Variants in HIGD1C observed in about 807,000 individuals in gnomAD.
The protein encoded by HIGD1C is HIG1 domain family member 1C.
A neutral mutation model predicts 13.1 loss-of-function variants in HIGD1C; 11 were observed. The ratio of observed to expected loss-of-function variants is 0.84; its 90% CI spans 0.53 to 1.39. HIGD1C has a LOEUF of 1.39. Among genes scored for constraint, HIGD1C ranks in the 40% most tolerant of loss-of-function variants. HIGD1C has a pLI of 0.00. For missense variants in HIGD1C, 110 were observed against 112.0 expected (o/e 0.98, Z 0.08); for synonymous variants, 36 against 37.7 (o/e 0.95, Z 0.17).
chr12:50,936,928 C>T, the HIGD1C span, among the ~76,000 whole-genome samples: 1 of 152,328 alleles, frequency 6.6e-6, no homozygotes, highest in Non-Finnish European at 1.5e-5. Context: ...TAAAGTGATG[C>T]CCCTTCTACA....
At chr12:50,947,849 C>T in the HIGD1C span, among the ~76,000 whole-genome samples, 83,694 of 151,908 alleles carry the variant, frequency 0.55, 24,381 homozygotes, top group East Asian at 0.91. Flanking sequence ...CTTGGGAGGC[C>T]GAGGCAAGAG....
upstream of HIGD1C, among the ~76,000 whole-genome samples, chr12:50,952,846 C>T (rs907124934): frequency 1.3e-5 from 2 of 152,198 alleles, no homozygotes; most frequent in Non-Finnish European, 2.9e-5. Context: ...TCCCCTTCCC[C>T]TCCAAGCCCA....
chr12:50,944,613 G>A, the HIGD1C span, among the ~76,000 whole-genome samples: 1 of 152,164 alleles, frequency 6.6e-6, no homozygotes, highest in Admixed American at 6.5e-5. Context: ...CTGGCCAGGT[G>A]CAGTGGCTCA....
chr12:50,950,667 C>T (rs1183981966), upstream of HIGD1C, among the ~76,000 whole-genome samples: 2 of 130,130 alleles, frequency 1.5e-5, no homozygotes, highest in East Asian at 2.2e-4. Context: ...TCATGCCCAG[C>T]TAATTTTTTT....
intron 1 of HIGD1C, among the ~76,000 whole-genome samples, chr12:50,960,228 T>C (rs1461755069): frequency 6.6e-6 from 1 of 152,226 alleles, no homozygotes; most frequent in Non-Finnish European, 1.5e-5. Flanking sequence ...CTAAAGTTTA[T>C]TGTTTCACTT....
the HIGD1C span, among the ~76,000 whole-genome samples, chr12:50,947,545 C>G: frequency 6.6e-6 from 1 of 152,244 alleles, no homozygotes; most frequent in East Asian, 1.9e-4. Flanking sequence ...TACACTGGCC[C>G]CACCCAGATA....
At chr12:50,962,925 C>T (rs1186471614) in intron 2 of HIGD1C, among the ~76,000 whole-genome samples, 1 of 151,868 alleles carries the variant, frequency 6.6e-6, no homozygotes, top group East Asian at 1.9e-4. Context: ...GCTTGGTAGG[C>T]GAATCAGTGT....
the HIGD1C span, among the ~76,000 whole-genome samples, chr12:50,936,159 CAA>C: frequency 7.0e-5 from 9 of 129,268 alleles, no homozygotes; most frequent in Admixed American, 3.1e-4. Context: ...AACACCGTCT[CAA>C]AAAAAAAAAA....
chr12:50,946,733 A>G, the HIGD1C span, among the ~76,000 whole-genome samples: 2 of 152,194 alleles, frequency 1.3e-5, no homozygotes, highest in African/African-American at 4.8e-5. Flanking sequence ...ATTACTGGGT[A>G]TATACTCAAA....
intron 2 of HIGD1C, among the ~76,000 whole-genome samples, chr12:50,966,160 C>T (rs984707764): frequency 2.0e-5 from 3 of 152,154 alleles, no homozygotes; most frequent in Non-Finnish European, 2.9e-5. Context: ...CACTTGACCC[C>T]CACAGCCTCA....
At chr12:50,968,906 T>C (rs1939652587) in intron 2 of HIGD1C, among the ~76,000 whole-genome samples, 1 of 152,044 alleles carries the variant, frequency 6.6e-6, no homozygotes, top group African/African-American at 2.4e-5. Context: ...CTCTAACTCC[T>C]GGCCTCAAGT....
chr12:50,969,625 G>C (rs1422453425), intron 2 of HIGD1C, among the ~76,000 whole-genome samples: 1 of 151,748 alleles, frequency 6.6e-6, no homozygotes, highest in Non-Finnish European at 1.5e-5. Context: ...CTTGAACCTG[G>C]GAAGCGGAGG....
chr12:50,936,159 C>CAAAA, the HIGD1C span, among the ~76,000 whole-genome samples: 13 of 129,310 alleles, frequency 1.0e-4, no homozygotes, highest in African/African-American at 2.6e-4. Context: ...AACACCGTCT[C>CAAAA]AAAAAAAAAA....
chr12:50,945,654 C>G, the HIGD1C span, among the ~76,000 whole-genome samples: 3 of 152,124 alleles, frequency 2.0e-5, no homozygotes, highest in Non-Finnish European at 4.4e-5. Context: ...GGCCATACTG[C>G]CCAAGGTAAT....
chr12:50,963,343 C>A (rs1013954616), intron 2 of HIGD1C, among the ~76,000 whole-genome samples: 1 of 133,644 alleles, frequency 7.5e-6, no homozygotes, highest in Admixed American at 8.9e-5. Context: ...GCACTCCAGC[C>A]TGGGTGAAAG....
At chr12:50,933,189 T>C in the HIGD1C span, among the ~76,000 whole-genome samples, 3 of 152,234 alleles carry the variant, frequency 2.0e-5, no homozygotes. Context: ...TTAGAAGCCC[T>C]GACTCCCCAA....
chr12:50,943,532 A>C, the HIGD1C span, among the ~76,000 whole-genome samples: 2 of 151,986 alleles, frequency 1.3e-5, no homozygotes, highest in Non-Finnish European at 2.9e-5. Context: ...AACATGGTGA[A>C]ACCCCATCTC....
At chr12:50,954,072 A>C in exon 1 of HIGD1C, 1 of 1,610,414 alleles carries the variant, frequency 6.2e-7, no homozygotes, top group Non-Finnish European at 8.5e-7. Flanking sequence ...AAATCTAGAG[A>C]CTCCCCCTTT....
At chr12:50,940,851 C>G in the HIGD1C span, among the ~76,000 whole-genome samples, 1 of 151,062 alleles carries the variant, frequency 6.6e-6, no homozygotes, top group Admixed American at 6.6e-5. Flanking sequence ...TTTTTCTTTT[C>G]TTTTTTTTCT....
Sources: gnomAD v4.1 joint callset for allele counts (sites outside exome capture counted in the v4.1 genomes callset) on GRCh38, gnomAD v4.1.1 for gene constraint, MANE v1.5 for transcripts, NCBI Gene and HGNC (gene_info 2026-07-23, HGNC 2026-07-21) for gene names.